The following ZSWIM6 variants were observed in gnomAD, a reference collection of about 807,000 sequenced individuals.
The protein encoded by ZSWIM6 is zinc finger SWIM-type containing 6.
ZSWIM6 carries 9 observed loss-of-function variants against 113.2 expected under a neutral mutation model. That is an observed-to-expected ratio of 0.08 (90% CI 0.05 to 0.14). The LOEUF (loss-of-function observed/expected upper bound fraction) is 0.14. Among genes scored for constraint, ZSWIM6 ranks in the 10% least tolerant of loss-of-function variants. The pLI, the probability that ZSWIM6 is intolerant of heterozygous loss-of-function variation, is 1.00. For missense variants in ZSWIM6, 1,162 were observed against 1,552.2 expected, an observed-to-expected ratio of 0.75 and a Z score of 4.22; for synonymous variants, 611 against 606.5, an observed-to-expected ratio of 1.01 and a Z score of -0.11.
At chr5:61,396,804 C>G (rs1365264656) in intron 1 of ZSWIM6, among the ~76,000 whole-genome samples, 1 of 152,026 alleles carries the variant, frequency 6.6e-6, no homozygotes, top group African/African-American at 2.4e-5. Flanking sequence ...AAAAAATATA[C>G]AGAAAACACA....
intron 1 of ZSWIM6, among the ~76,000 whole-genome samples, chr5:61,401,744 G>A (rs1277002470): frequency 2.0e-5 from 3 of 152,112 alleles, no homozygotes; most frequent in Admixed American, 6.5e-5. Flanking sequence ...CTTGTTCTTT[G>A]TAATATAATT....
At chr5:61,374,561 T>A (rs994256605) in intron 1 of ZSWIM6, among the ~76,000 whole-genome samples, 3 of 152,180 alleles carry the variant, frequency 2.0e-5, no homozygotes, top group South Asian at 4.1e-4. Flanking sequence ...ATTTTATTTA[T>A]TTTATTTTTT....
At chr5:61,393,207 ATT>A (rs80039422) in intron 1 of ZSWIM6, among the ~76,000 whole-genome samples, 1 of 142,850 alleles carries the variant, frequency 7.0e-6, no homozygotes, top group Non-Finnish European at 1.5e-5. Context: ...CTCCCGACTA[ATT>A]TTTTTTTTTT....
intron 1 of ZSWIM6, among the ~76,000 whole-genome samples, chr5:61,454,561 C>T (rs1463454846): frequency 1.4e-5 from 2 of 146,962 alleles, no homozygotes; most frequent in East Asian, 2.0e-4. Context: ...CCGTGCCTAT[C>T]CCTAAGTTTT....
In ZSWIM6 at chr5:61,539,450, G is replaced by C. The variant is rs547750746; in HGVS notation, c.2540-146G>C. 1.2e-5 allele frequency: 11 copies of C among 940,836 alleles called. No individual in the cohort carries two copies. The Admixed American group carries it at 2.1e-4, about 18-fold the overall frequency. 58.3% of individuals were successfully genotyped at this position (940,836 alleles called of 1,614,324 possible). A position where few individuals can be genotyped will look rare whatever the true frequency, so the allele number is the denominator to read the frequency against. Reference sequence around the variant, plus strand: ...TAACACCTGTGCCATCTGTGAACATGTTAGGTAAATTAACTTGTGCTTTAT... The same window carrying C: ...TAACACCTGTGCCATCTGTGAACATCTTAGGTAAATTAACTTGTGCTTTAT... On this transcript the variant is annotated intron_variant, in intron 11 of 13. Transcript: ENST00000252744.
At chr5:61,513,416 C>G (rs1391369347) in intron 4 of ZSWIM6, among the ~76,000 whole-genome samples, 4 of 152,066 alleles carry the variant, frequency 2.6e-5, no homozygotes, top group African/African-American at 9.7e-5. Flanking sequence ...TTCTCCTAGT[C>G]TGTAACTTGT....
At chr5:61,495,277 C>T (rs922598097) in intron 4 of ZSWIM6, among the ~76,000 whole-genome samples, 1 of 152,008 alleles carries the variant, frequency 6.6e-6, no homozygotes, top group Non-Finnish European at 1.5e-5. Flanking sequence ...CGTGAAGATA[C>T]CAAATGACCA....
intron 1 of ZSWIM6, among the ~76,000 whole-genome samples, chr5:61,453,466 C>T (rs1347408936): frequency 6.6e-6 from 1 of 151,318 alleles, no homozygotes; most frequent in Admixed American, 6.6e-5. Context: ...GCCTGGACCT[C>T]CTGGGCTCAA....
intron 1 of ZSWIM6, among the ~76,000 whole-genome samples, chr5:61,400,455 G>T (rs1745922629): frequency 6.6e-6 from 1 of 152,180 alleles, no homozygotes. Flanking sequence ...CACAAGGCAT[G>T]CTAAGAAGGT....
intron 1 of ZSWIM6, among the ~76,000 whole-genome samples, chr5:61,446,234 A>C (rs981509142): frequency 2.5e-4 from 38 of 152,328 alleles, no homozygotes; most frequent in African/African-American, 8.9e-4. Flanking sequence ...CATGTTGGCC[A>C]GGATGGCCTC....
At position 61,543,327 on chromosome 5, in the gene ZSWIM6, G is replaced by A; in HGVS notation, c.2786-128G>A. On this transcript the variant is annotated intron_variant, in intron 13 of 13. Coordinates refer to ENST00000252744, the MANE Select transcript of ZSWIM6 (RefSeq NM_020928.2). This position sits in a 1 kb window ranked among gnomAD's most constrained non-coding sequence, Gnocchi z 4.3. ...TTTCTCACAGGCACATTACTTTACA[G>A]GATTTTCTAGCCTAGCTCATGTCCT... The A allele has an allele frequency of 8.7e-7, 1 of 1,152,688 alleles. No individual in the cohort carries two copies. The highest frequency in any genetic ancestry group is 1.2e-6 in the Non-Finnish European group (1 of 841,420). 71.4% of individuals were successfully genotyped at this position (1,152,688 alleles called of 1,614,324 possible).
chr5:61,444,527 A>G (rs1008083330), intron 1 of ZSWIM6, among the ~76,000 whole-genome samples: 10 of 152,094 alleles, frequency 6.6e-5, no homozygotes, highest in Non-Finnish European at 1.5e-4. Context: ...CGCCACACTG[A>G]CTTCCACAAT....
chr5:61,488,176 A>C (rs1748073097), intron 2 of ZSWIM6, among the ~76,000 whole-genome samples: 1 of 152,026 alleles, frequency 6.6e-6, no homozygotes. Context: ...CTCAATTTGC[A>C]TGTTAAACAA....
chr5:61,341,115 G>A (rs996340535), intron 1 of ZSWIM6, among the ~76,000 whole-genome samples: 1 of 152,210 alleles, frequency 6.6e-6, no homozygotes, highest in Non-Finnish European at 1.5e-5. Context: ...CTGTGTCTAC[G>A]TGGGTTTTCT....
chr5:61,454,504 C>G (rs1256632919), intron 1 of ZSWIM6, among the ~76,000 whole-genome samples: 2 of 150,848 alleles, frequency 1.3e-5, no homozygotes, highest in African/African-American at 4.9e-5. Context: ...CTCACGTGAT[C>G]TTCCTGCCTT....
At chr5:61,488,587 T>G (rs917099404) in intron 2 of ZSWIM6, among the ~76,000 whole-genome samples, 14 of 152,048 alleles carry the variant, frequency 9.2e-5, no homozygotes, top group Admixed American at 6.6e-4. Flanking sequence ...TTTCTAGTTT[T>G]GGGGCATATA....
chr5:61,441,022 T>G (rs1746821271), intron 1 of ZSWIM6, among the ~76,000 whole-genome samples: 1 of 152,184 alleles, frequency 6.6e-6, no homozygotes, highest in Non-Finnish European at 1.5e-5. Context: ...CCTTTCGCTG[T>G]GTTGAGAAAC....
At chr5:61,529,207 C>CA (rs1749366491) in intron 7 of ZSWIM6, among the ~76,000 whole-genome samples, 1 of 151,828 alleles carries the variant, frequency 6.6e-6, no homozygotes, top group South Asian at 2.1e-4. Flanking sequence ...AACTCCATCT[C>CA]AAAAAAATGA....
chr5:61,383,796 C>T (rs970146604), intron 1 of ZSWIM6, among the ~76,000 whole-genome samples: 1 of 151,812 alleles, frequency 6.6e-6, no homozygotes, highest in Non-Finnish European at 1.5e-5. Context: ...ATCCACCTGC[C>T]TCGGCCTCCC....
Sources: gnomAD v4.1 joint callset for allele counts (sites outside exome capture counted in the v4.1 genomes callset) on GRCh38, gnomAD v4.1.1 for gene constraint, Gnocchi (gnomAD v3.1) non-coding constraint, MANE v1.5 for transcripts, NCBI Gene and HGNC (gene_info 2026-07-23, HGNC 2026-07-21) for gene names.